STPG1: variants seen among roughly 807,000 people sequenced by gnomAD.
STPG1 encodes the protein sperm tail PG-rich repeat containing 1, also known as O(6)-methylguanine-induced apoptosis 2.
STPG1 carries 33 observed loss-of-function variants against 40.1 expected under a neutral mutation model. That is an observed-to-expected ratio of 0.82 (90% CI 0.62 to 1.10). STPG1 has a LOEUF of 1.10. STPG1 is among the 50% of genes least tolerant of loss of function. The pLI is 0.00. For missense variants in STPG1, 396 were observed against 415.1 expected (o/e 0.95, Z 0.40); for synonymous variants, 150 against 155.0 (o/e 0.97, Z 0.24).
chr1:24,385,747 A>G (rs1393772298), intron 3 of STPG1, among the ~76,000 whole-genome samples: 1 of 152,174 alleles, frequency 6.6e-6, no homozygotes, highest in Non-Finnish European at 1.5e-5. Context: ...CATAGGATTA[A>G]AAAAATCCCC....
chr1:24,408,078 G>A (rs1164585440), intron 1 of STPG1, among the ~76,000 whole-genome samples: 1 of 152,218 alleles, frequency 6.6e-6, no homozygotes, highest in Non-Finnish European at 1.5e-5. Flanking sequence ...GCTGGGTGCT[G>A]GGTTTTGATA....
intron 1 of STPG1, chr1:24,411,946 TTCTC>T (rs1005617019): frequency 2.2e-4 from 30 of 138,452 alleles, no homozygotes; most frequent in African/African-American, 5.6e-4. Context: ...TCAAAGCTGA[TTCTC>T]TCTCTCTTTT....
At chr1:24,389,335 C>T (rs1035984430) in intron 3 of STPG1, among the ~76,000 whole-genome samples, 2 of 152,036 alleles carry the variant, frequency 1.3e-5, no homozygotes, top group African/African-American at 4.8e-5. Context: ...GTTGCTAAGG[C>T]CTTTTCAGAA....
At chr1:24,389,304 CCT>C (rs1185626286) in intron 3 of STPG1, among the ~76,000 whole-genome samples, 6 of 152,114 alleles carry the variant, frequency 3.9e-5, no homozygotes, top group Non-Finnish European at 7.3e-5. Flanking sequence ...GACATCCTCC[CCT>C]GTCTTCAGCT....
chr1:24,402,206 T>C (rs1462037272), intron 1 of STPG1, among the ~76,000 whole-genome samples: 3 of 152,246 alleles, frequency 2.0e-5, no homozygotes, highest in African/African-American at 7.2e-5. Context: ...TTGTTGCCTT[T>C]CTAGAATGTC....
rs749310093 is a variant in STPG1 at position 24,401,357 on chromosome 1, G to A, written c.32C>T (p.Thr11Ile). The A allele has an allele frequency of 5.6e-6, 9 of 1,613,960 alleles. No individual in the cohort carries two copies. In the East Asian group the frequency reaches 2.0e-4, roughly 36 times the overall value. Residue 11 changes from threonine to isoleucine, a missense_variant, in exon 2 of 9, where the codon ACT becomes ATT. Transcript: ENST00000337248. ...ACTGGCACGTCTGGGATGTTTGCCA[G>A]TGCGTTCATTTTTCTGTGCAGAGTT... MDNSAQKNERTGKHPRRASEV... is the reference protein window; with the variant it reads MDNSAQKNERIGKHPRRASEV...
At chr1:24,409,278 T>G (rs1223939113) in intron 1 of STPG1, among the ~76,000 whole-genome samples, 1 of 152,202 alleles carries the variant, frequency 6.6e-6, no homozygotes, top group Non-Finnish European at 1.5e-5. Context: ...GAGGATCACT[T>G]GAGCCCAAGA....
At chr1:24,373,394 G>A (rs1051302671) in intron 6 of STPG1, among the ~76,000 whole-genome samples, 2 of 152,124 alleles carry the variant, frequency 1.3e-5, no homozygotes, top group African/African-American at 4.8e-5. Flanking sequence ...TGGGGTATAC[G>A]AATGTGCACA....
At chr1:24,373,361 C>T (rs753809933) in intron 6 of STPG1, among the ~76,000 whole-genome samples, 4 of 152,174 alleles carry the variant, frequency 2.6e-5, no homozygotes, top group Non-Finnish European at 5.9e-5. Context: ...TCCTGCCCCT[C>T]CCCAGTGGCC....
intron 5 of STPG1, among the ~76,000 whole-genome samples, chr1:24,376,719 C>T (rs866831455): frequency 1.3e-5 from 2 of 152,124 alleles, no homozygotes; most frequent in Admixed American, 6.5e-5. Flanking sequence ...CAGCTACAAC[C>T]GGGAGGCTGC....
chr1:24,383,632 C>T (rs185454547), intron 4 of STPG1, among the ~76,000 whole-genome samples: 1 of 152,310 alleles, frequency 6.6e-6, no homozygotes, highest in African/African-American at 2.4e-5. Flanking sequence ...GCTTAGTGCA[C>T]TCAGTGATAA....
At chr1:24,392,764 C>T (rs1373418150) in intron 2 of STPG1, among the ~76,000 whole-genome samples, 1 of 152,044 alleles carries the variant, frequency 6.6e-6, no homozygotes, top group African/African-American at 2.4e-5. Context: ...TGGGGGGGTG[C>T]ATCCTGACTC....
At chr1:24,383,341 A>G (rs1642370334) in intron 4 of STPG1, among the ~76,000 whole-genome samples, 1 of 152,198 alleles carries the variant, frequency 6.6e-6, no homozygotes, top group Non-Finnish European at 1.5e-5. Flanking sequence ...AACATTTTTA[A>G]GAAGCCTATC....
chr1:24,360,775 G>T, intron 8 of STPG1, 76 bp downstream of exon 8: 1 of 1,316,594 alleles, frequency 7.6e-7, no homozygotes, highest in Non-Finnish European at 1.0e-6. Flanking sequence ...ATAAATCAAT[G>T]GCATTTGATG....
At chr1:24,406,246 CTTTAA>C (rs1365228516) in intron 1 of STPG1, among the ~76,000 whole-genome samples, 6 of 152,026 alleles carry the variant, frequency 3.9e-5, no homozygotes, top group East Asian at 1.9e-4. Flanking sequence ...CAGTATACAT[CTTTAA>C]TTTATCACAG....
intron 1 of STPG1, among the ~76,000 whole-genome samples, chr1:24,406,221 A>C (rs781322132): frequency 9.9e-5 from 15 of 152,102 alleles, no homozygotes; most frequent in Non-Finnish European, 1.9e-4. Flanking sequence ...ACTTATGTAT[A>C]GTGATTAAGG....
intron 5 of STPG1, among the ~76,000 whole-genome samples, chr1:24,374,106 G>A (rs545179292): frequency 4.9e-4 from 74 of 152,220 alleles, no homozygotes; most frequent in African/African-American, 1.7e-3. Context: ...GACAGGCTGT[G>A]TGGCCCCGCA....
intron 5 of STPG1, 68 bp from the exon 6 acceptor site, chr1:24,373,878 G>C: frequency 7.9e-6 from 9 of 1,139,512 alleles, no homozygotes; most frequent in African/African-American, 1.5e-5. Flanking sequence ...ATCATGCCTG[G>C]ACAAGTGGCA....
intron 7 of STPG1, chr1:24,364,365 G>A (rs558169785): frequency 1.2e-5 from 18 of 1,539,744 alleles, no homozygotes; most frequent in South Asian, 3.7e-5. Context: ...CTGTAAACTC[G>A]GAATGACACA....
Sources: gnomAD v4.1 joint callset for allele counts (sites outside exome capture counted in the v4.1 genomes callset) on GRCh38, gnomAD v4.1.1 for gene constraint, MANE v1.5 for transcripts, NCBI Gene and HGNC (gene_info 2026-07-23, HGNC 2026-07-21) for gene names.